The following SSC5D variants were observed in gnomAD, a reference collection of about 807,000 sequenced individuals.
The protein encoded by SSC5D is scavenger receptor cysteine rich family member with 5 domains.
Under a neutral mutation model 104.6 loss-of-function variants are expected in SSC5D, and 106 were observed. That is an observed-to-expected ratio of 1.01 (90% confidence interval 0.87 to 1.19). The LOEUF is 1.19. SSC5D is among the 50% of genes most tolerant of loss of function. The probability of loss-of-function intolerance (pLI) is 0.00; values close to 1 mark genes in which losing one functional copy is unlikely to be tolerated. For missense variants in SSC5D, 1,993 were observed against 2,153.8 expected, an observed-to-expected ratio of 0.93 and a Z score of 1.48; for synonymous variants, 860 against 883.5, an observed-to-expected ratio of 0.97 and a Z score of 0.47.
intron 13 of SSC5D, among the ~76,000 whole-genome samples, chr19:55,514,924 C>T (rs760658944): frequency 2.0e-5 from 3 of 152,142 alleles, no homozygotes; most frequent in Non-Finnish European, 4.4e-5. Flanking sequence ...GTGGTCACCC[C>T]GCTAGGAAGC....
intron 2 of SSC5D, 25 bp downstream of exon 2, chr19:55,489,057 T>TGTGGGGGGGGGGGGGGGGGGG: frequency 8.0e-7 from 1 of 1,247,978 alleles, no homozygotes; most frequent in East Asian, 3.6e-5. Context: ...TCCTCCCATC[T>TGTGGGGGGGGGGGGGGGGGGG]GCCCGCCCCC....
In SSC5D at chr19:55,500,745, C is replaced by A; in HGVS notation, c.2558C>A (p.Ser853Ter). The A allele has an allele frequency of 1.3e-6, 2 of 1,551,564 alleles. No individual in the cohort carries two copies. The highest frequency in any genetic ancestry group is 8.7e-7 in the Non-Finnish European group (1 of 1,146,988). ...GSEASLSDCP[S>*]GAWGKHNCDH... ...GAGGCCTCACTGAGCGACTGCCCCT[C>A]GGGGGCTTGGGGGAAGCACAACTGT... The change falls in exon 11 of 14, where the codon TCG becomes TAG. Residue 853 changes from serine (S) to a stop codon, truncating the protein, a stop_gained. Transcript: ENST00000389623. LOFTEE classifies it high-confidence loss of function. The surrounding 1 kb of genome is among the most constrained non-coding windows in gnomAD (Gnocchi z 4.6).
chr19:55,500,942 G>C lies in SSC5D; in HGVS notation c.2618-92G>C, dbSNP rs1987483182. The C allele has an allele frequency of 1.3e-6, 2 of 1,528,048 alleles. No homozygotes were observed. Among genetic ancestry groups the C allele is most frequent in the Middle Eastern group, 1.7e-4 (1 of 5,876 alleles). The allele number at this position is 1,528,048 out of a possible 1,614,324, so 94.7% of individuals were successfully genotyped here. ...GTCGGGGTGGGGAGATCCCAGAGTTGCTCCAGAAGATTCCAAAAGGGGAGG... is the reference window on the plus strand; with the variant it reads ...GTCGGGGTGGGGAGATCCCAGAGTTCCTCCAGAAGATTCCAAAAGGGGAGG... On this transcript the variant is annotated intron_variant, in intron 11 of 13. Transcript: ENST00000389623. This position sits in a 1 kb window ranked among gnomAD's most constrained non-coding sequence, Gnocchi z 4.6.
chr19:55,488,835 G>A (rs1045921748), intron 1 of SSC5D, among the ~76,000 whole-genome samples, 171 bp from the exon 2 acceptor site: 4 of 8,614 alleles, frequency 4.6e-4, no homozygotes, highest in South Asian at 4.9e-3. Context: ...CTGACCCTGC[G>A]GGGGATCTCC....
At position 55,488,703 on chromosome 19, in the gene SSC5D, C is replaced by T. The variant is rs565910377; in HGVS notation, c.25+89C>T. On this transcript the variant is annotated intron_variant, in intron 1 of 13. Coordinates refer to ENST00000389623, the MANE Select transcript of SSC5D (RefSeq NM_001144950.2). Reference sequence around the variant, plus strand: ...TGTCCAGTTTAGGGACTCAAACTTCCGGGACTGGTCGCTGGTGCTCCTGCA... The same window carrying T: ...TGTCCAGTTTAGGGACTCAAACTTCTGGGACTGGTCGCTGGTGCTCCTGCA... 5.1e-5 allele frequency: 61 copies of T among 1,195,646 alleles called. No homozygotes were observed. The Admixed American group carries it at 7.2e-4, about 14-fold the overall frequency. The allele number at this position is 1,195,646 out of a possible 1,614,324, so 74.1% of individuals were successfully genotyped here.
chr19:55,497,981 G>A lies in SSC5D; in HGVS notation c.1489G>A (p.Asp497Asn), dbSNP rs184930731. 1.1e-4 allele frequency: 176 copies of A among 1,551,826 alleles called. 1 individual carries two copies. In the African/African-American group the frequency reaches 2.3e-3, roughly 20 times the overall value. Residue 497 changes from aspartate (D) to asparagine (N), a missense_variant, in exon 9 of 14, where the codon GAC becomes AAC. Asp to Asn is a conservative substitution (Grantham distance 23). Transcript: ENST00000389623. ...GGGGACCGTGTGTGACGATAGCTGG[G>A]ACATGCGGGATTCAGCTGTGGTCTG... ...RWGTVCDDSW[D>N]MRDSAVVCRE... is the part of the protein sequence containing the mutation.
At position 55,517,123 on chromosome 19, in the gene SSC5D, G is replaced by T. The variant is rs994481002; in HGVS notation, c.2948-101G>T. On this transcript the variant is annotated intron_variant, in intron 13 of 13. Coordinates refer to ENST00000389623, the MANE Select transcript of SSC5D (RefSeq NM_001144950.2). Reference sequence around the variant, plus strand: ...GTGACCCATGACGTCTCGAGGCTCTGTGCCTTTCCATTGGTCGGCTCCTCG... The same window carrying T: ...GTGACCCATGACGTCTCGAGGCTCTTTGCCTTTCCATTGGTCGGCTCCTCG... The T allele has an allele frequency of 3.1e-5, 35 of 1,124,114 alleles. No homozygotes were observed. The African/African-American group carries it at 3.6e-4, about 11-fold the overall frequency. The allele number at this position is 1,124,114 out of a possible 1,614,324, so 69.6% of individuals were successfully genotyped here.
At chr19:55,494,928 G>GGCGA in intron 8 of SSC5D, 145 bp downstream of exon 8, 1 of 952,710 alleles carries the variant, frequency 1.0e-6, no homozygotes, top group Non-Finnish European at 1.5e-6. Flanking sequence ...CACTGAGCTG[G>GGCGA]GTTCAATGCT....
intron 8 of SSC5D, 75 bp from the exon 9 acceptor site, chr19:55,497,805 A>C: frequency 7.6e-7 from 1 of 1,308,638 alleles, no homozygotes; most frequent in Non-Finnish European, 1.0e-6. Context: ...AGATGGGGGG[A>C]GGGAAAGGTG....
rs74181759 is a variant in SSC5D, at chr19:55,495,233, ATTTTTTTT to A, written c.1387+470_1387+477del. ...CCTCCTTTCATATATATATATATAT[ATTTTTTTT>A]TTTTTTTTTTTTTTTTTTTGAGAGT... is the stretch of plus-strand genomic sequence containing the variant. On this transcript the variant is annotated intron_variant, in intron 8 of 13. Transcript: ENST00000389623. Among the ~76,000 whole-genome samples the A allele has an allele frequency of 8.7e-4, 44 of 50,650 alleles. 4 individuals carry two copies. Among genetic ancestry groups the A allele is most frequent in the South Asian group, 2.1e-3 (3 of 1,400 alleles). The allele number at this position is 50,650 out of a possible 152,430, so 33.2% of individuals were successfully genotyped here.
Position 55,506,373 on chromosome 19 carries a change from A to ATTTTTTTTTT in SSC5D, c.2785+5202_2785+5211dup, listed in dbSNP as rs869296361. On this transcript the variant is annotated intron_variant, in intron 12 of 13. Transcript: ENST00000389623. ...GAGATTGGAGGCCTGTGGAATTTGG[A>ATTTTTTTTTT]TTTTTTTTTTTTTTTTTTTTTTTTT... Among the ~76,000 whole-genome samples, 9 of 72,062 alleles carry ATTTTTTTTTT rather than the reference A, an allele frequency of 1.2e-4. 3 individuals are homozygous for ATTTTTTTTTT. The highest frequency in any genetic ancestry group is 4.1e-4 in the Admixed American group (2 of 4,922). 47.3% of individuals were successfully genotyped at this position (72,062 alleles called of 152,430 possible).
intron 1 of SSC5D, 73 bp from the exon 2 acceptor site, chr19:55,488,930 TGAG>T: frequency 3.6e-6 from 1 of 275,352 alleles, no homozygotes; most frequent in Admixed American, 6.9e-5. Context: ...GTATTCAAGA[TGAG>T]GGGCCTGCGC....
At chr19:55,505,141 G>A (rs989942159) in intron 12 of SSC5D, among the ~76,000 whole-genome samples, 1 of 151,710 alleles carries the variant, frequency 6.6e-6, no homozygotes, top group African/African-American at 2.4e-5. Flanking sequence ...CCAATTCAAT[G>A]AACAAAATGT....
At chr19:55,514,406 A>AAATAAT (rs55837985) in intron 13 of SSC5D, among the ~76,000 whole-genome samples, 22 of 99,580 alleles carry the variant, frequency 2.2e-4, no homozygotes, top group East Asian at 5.8e-4. Context: ...CTCTGTCTCA[A>AAATAAT]AATAATAATA....
At position 55,518,197 on chromosome 19, in the gene SSC5D, C is replaced by T; in HGVS notation, c.3921C>T (p.Pro1307=). The change falls in exon 14 of 14, where the codon CCC becomes CCT. Residue 1307 remains proline, a synonymous_variant. Coordinates refer to ENST00000389623, the MANE Select transcript of SSC5D (RefSeq NM_001144950.2). ...CTCACCCCACCATGACTCCTGACCC[C>T]ACCACGACCCCTTACCCCACCACTA... is the stretch of plus-strand genomic sequence containing the variant. ...TTPHPTMTPD[P]TTTPYPTTTP... 4.8e-6 allele frequency: 7 copies of T among 1,448,250 alleles called. No homozygotes were observed. Among genetic ancestry groups the T allele is most frequent in the Non-Finnish European group, 5.5e-6 (6 of 1,087,216 alleles). The allele number at this position is 1,448,250 out of a possible 1,614,324, so 89.7% of individuals were successfully genotyped here.
intron 2 of SSC5D, 54 bp from the exon 3 acceptor site, chr19:55,489,300 C>T (rs2076935816): frequency 5.6e-6 from 8 of 1,416,022 alleles, no homozygotes; most frequent in Non-Finnish European, 7.3e-6. Flanking sequence ...TTGCCCTGGC[C>T]TTGGGGCCCC....
intron 7 of SSC5D, 82 bp downstream of exon 7, chr19:55,493,994 G>GGGGGGGGGT: frequency 4.9e-5 from 7 of 143,314 alleles, no homozygotes; most frequent in South Asian, 2.4e-4. Flanking sequence ...GGGCGGGGGG[G>GGGGGGGGGT]TCCCTACGCG....
chr19:55,492,325 G>C (rs1987173408), intron 6 of SSC5D: 1 of 152,404 alleles, frequency 6.6e-6, no homozygotes, highest in African/African-American at 2.4e-5. Flanking sequence ...GAGTGGGAGT[G>C]AGCAGCAGAG....
At position 55,488,522 on chromosome 19, in the gene SSC5D, G is replaced by T. The variant is rs1323373141; in HGVS notation, c.-68G>T. The T allele has an allele frequency of 7.0e-7, 1 of 1,430,768 alleles. No individual in the cohort carries two copies. Among genetic ancestry groups the T allele is most frequent in the East Asian group, 2.5e-5 (1 of 40,180 alleles). 88.6% of individuals were successfully genotyped at this position (1,430,768 alleles called of 1,614,324 possible). On this transcript the variant is annotated 5_prime_UTR_variant, in exon 1 of 14. Transcript: ENST00000389623. ...ACTTCCCTCCCTCCCTCTCTCCCCA[G>T]CTGCCTCCTCCTCTTCTCTCCCCGC...
Sources: gnomAD v4.1 joint callset for allele counts (sites outside exome capture counted in the v4.1 genomes callset) on GRCh38, gnomAD v4.1.1 for gene constraint, Gnocchi (gnomAD v3.1) non-coding constraint, MANE v1.5 for transcripts, NCBI Gene and HGNC (gene_info 2026-07-23, HGNC 2026-07-21) for gene names.